The following NMD3 variants were observed in gnomAD, a reference collection of about 807,000 sequenced individuals.
The protein encoded by NMD3 is NMD3 ribosome export adaptor, also known as 60S ribosomal export protein NMD3.
In NMD3, 47 loss-of-function variants were observed where a neutral mutation model predicts 73.1. That is an observed-to-expected ratio of 0.64 (90% confidence interval 0.51 to 0.82). The LOEUF is 0.82. Among genes scored for constraint, NMD3 ranks in the 40% least tolerant of loss-of-function variants. The pLI, the probability that NMD3 is intolerant of heterozygous loss-of-function variation, is 0.00. For synonymous variants in NMD3, 210 were observed against 194.5 expected, an observed-to-expected ratio of 1.08 and a Z score of -0.66; for missense variants, 554 against 612.5, an observed-to-expected ratio of 0.90 and a Z score of 1.01.
At chr3:161,247,851 A>G (rs1737292679) in intron 13 of NMD3, among the ~76,000 whole-genome samples, 1 of 151,252 alleles carries the variant, frequency 6.6e-6, no homozygotes, top group Non-Finnish European at 1.5e-5. Context: ...CAGTGTCATG[A>G]TCACTCACTG....
chr3:161,228,827 C>T (rs140943912), intron 4 of NMD3, among the ~76,000 whole-genome samples: 26 of 152,160 alleles, frequency 1.7e-4, no homozygotes, highest in Non-Finnish European at 3.2e-4. Flanking sequence ...ATGCAGCGAT[C>T]AAAATAGGTG....
intron 10 of NMD3, 83 bp from the exon 11 acceptor site, chr3:161,242,425 T>C: frequency 7.7e-7 from 1 of 1,296,276 alleles, no homozygotes; most frequent in Non-Finnish European, 1.1e-6. Context: ...AGTTGGTATC[T>C]ACCAGTTTAT....
chr3:161,245,269 A>C (rs1737154892), intron 11 of NMD3, among the ~76,000 whole-genome samples: 1 of 152,038 alleles, frequency 6.6e-6, no homozygotes, highest in African/African-American at 2.4e-5. Context: ...AAATTAAGGT[A>C]ATGTACTTAG....
rs545003573 is a variant in NMD3 at position 161,248,133 on chromosome 3, G to T, written c.1203+803G>T. The stretch of plus-strand genomic sequence containing the variant: ...GTGGGGTAAATCCAAGATTTATTGT[G>T]ATTGTTCCTTTTCTAATCACATTTT... On this transcript the variant is annotated intron_variant, in intron 13 of 15. Coordinates refer to ENST00000351193, the MANE Select transcript of NMD3 (RefSeq NM_015938.5). 2.6e-5 allele frequency among the ~76,000 whole-genome samples: 4 copies of T among 152,128 alleles called. No individual in the cohort carries two copies. The East Asian group carries it at 7.7e-4, about 29-fold the overall frequency.
chr3:161,246,833 AG>A (rs1200154581), intron 12 of NMD3, among the ~76,000 whole-genome samples: 1 of 152,220 alleles, frequency 6.6e-6, no homozygotes, highest in Admixed American at 6.5e-5. Flanking sequence ...GGCATAGATC[AG>A]TTCTTTCTGA....
rs1249713613 is a variant in NMD3, at chr3:161,251,218, G to T, written c.*308G>T. Reference sequence around the variant, plus strand: ...TTTCACATAGTATAGTACTCTGGATGTAAAAGCTCAAAAATTGTGATTCCT... The same window carrying T: ...TTTCACATAGTATAGTACTCTGGATTTAAAAGCTCAAAAATTGTGATTCCT... On this transcript the variant is annotated 3_prime_UTR_variant, in exon 16 of 16. Transcript: ENST00000351193. 4 of 171,640 alleles carry T rather than the reference G, an allele frequency of 2.3e-5. No homozygotes were observed. The highest frequency in any genetic ancestry group is 3.7e-5 in the Non-Finnish European group (3 of 81,300). 10.6% of individuals were successfully genotyped at this position (171,640 alleles called of 1,614,324 possible).
intron 7 of NMD3, among the ~76,000 whole-genome samples, chr3:161,237,295 A>G (rs1475629922): frequency 2.0e-5 from 3 of 152,136 alleles, no homozygotes; most frequent in Admixed American, 6.5e-5. Context: ...ACTGTGTTCT[A>G]TAATCTCAGT....
chr3:161,230,843 G>C (rs943473609), intron 4 of NMD3, among the ~76,000 whole-genome samples: 1 of 152,208 alleles, frequency 6.6e-6, no homozygotes, highest in Admixed American at 6.5e-5. Context: ...GGAGAAAACA[G>C]AAGCGTGGGC....
intron 12 of NMD3, 83 bp downstream of exon 12, chr3:161,246,531 A>G: frequency 1.9e-6 from 1 of 534,246 alleles, no homozygotes; most frequent in Admixed American, 2.7e-5. Context: ...AAAAATACTA[A>G]CATTGTTTAT....
Position 161,250,989 on chromosome 3 carries a change from C to A in NMD3, c.*79C>A. ...CCTTAAGTGTCTCTACTATCTTTGC[C>A]TCCAGATTTCAAGAGGAGAAATTTA... On this transcript the variant is annotated 3_prime_UTR_variant, in exon 16 of 16. Transcript: ENST00000351193. 8.5e-7 allele frequency: 1 copy of A among 1,178,828 alleles called. No individual in the cohort carries two copies. The highest frequency in any genetic ancestry group is 1.5e-5 in the African/African-American group (1 of 64,912). 73.0% of individuals were successfully genotyped at this position (1,178,828 alleles called of 1,614,324 possible).
At chr3:161,242,255 C>T (rs1334340875) in intron 10 of NMD3, among the ~76,000 whole-genome samples, 1 of 152,026 alleles carries the variant, frequency 6.6e-6, no homozygotes, top group Non-Finnish European at 1.5e-5. Context: ...ACTTAAGAGG[C>T]ACTTAGCCCT....
chr3:161,246,415 G>A lies in NMD3; in HGVS notation c.1097G>A (p.Gly366Glu). 1 of 1,510,576 alleles carries A rather than the reference G, an allele frequency of 6.6e-7. No individual in the cohort carries two copies. Among genetic ancestry groups the A allele is most frequent in the African/African-American group, 1.4e-5 (1 of 73,688 alleles). 93.6% of individuals were successfully genotyped at this position (1,510,576 alleles called of 1,614,324 possible). A position where few individuals can be genotyped will look rare whatever the true frequency, so the allele number is the denominator to read the frequency against. Residue 366 changes from glycine to glutamate, a missense_variant, in exon 12 of 16, where the codon GGA (glycine) becomes GAA (glutamate). Transcript: ENST00000351193. ...DKQYFCRTHL[G>E]HLLNPGDLVL... is the part of the protein sequence containing the mutation. ...CAGTATTTTTGTCGTACTCATTTGG[G>A]ACATCTTCTAAATCCCGGAGACCTG...
chr3:161,239,883 G>A (rs1334260109), intron 9 of NMD3, among the ~76,000 whole-genome samples: 1 of 152,120 alleles, frequency 6.6e-6, no homozygotes, highest in African/African-American at 2.4e-5. Context: ...GGAATGTCAG[G>A]GCCGTGTTCT....
chr3:161,232,574 T>C (rs1308352425), intron 4 of NMD3, among the ~76,000 whole-genome samples: 1 of 152,246 alleles, frequency 6.6e-6, no homozygotes, highest in African/African-American at 2.4e-5. Context: ...TGCCTAGTTG[T>C]CTAAGCAAAT....
intron 9 of NMD3, among the ~76,000 whole-genome samples, chr3:161,240,316 C>T (rs1736918655): frequency 6.6e-6 from 1 of 152,002 alleles, no homozygotes. Flanking sequence ...TATATTGGCA[C>T]ATGTAGCCAT....
chr3:161,240,509 G>A (rs147574424), intron 9 of NMD3, among the ~76,000 whole-genome samples: 2,341 of 147,828 alleles, frequency 0.016, 63 homozygotes, highest in African/African-American at 0.056. Flanking sequence ...ATAATAGCTT[G>A]GTGATTTGGG....
At chr3:161,240,898 T>G in intron 9 of NMD3, 148 bp from the exon 10 acceptor site, 1 of 490,598 alleles carries the variant, frequency 2.0e-6, no homozygotes, top group Non-Finnish European at 3.7e-6. Flanking sequence ...AAGGTCTGAT[T>G]CTTTTCTTTA....
chr3:161,235,349 ACTT>A, intron 7 of NMD3, 137 bp downstream of exon 7: 1 of 464,724 alleles, frequency 2.2e-6, no homozygotes, highest in Non-Finnish European at 3.9e-6. Context: ...AAAAAAAACA[ACTT>A]AATTCTTTAT....
At chr3:161,246,489 C>A in intron 12 of NMD3, 41 bp downstream of exon 12, 1 of 854,632 alleles carries the variant, frequency 1.2e-6, no homozygotes, top group Non-Finnish European at 1.8e-6. Context: ...ATTAGGATTG[C>A]AAATTTTCTT....
Sources: gnomAD v4.1 joint callset for allele counts (sites outside exome capture counted in the v4.1 genomes callset) on GRCh38, gnomAD v4.1.1 for gene constraint, MANE v1.5 for transcripts, NCBI Gene and HGNC (gene_info 2026-07-23, HGNC 2026-07-21) for gene names.